Variants in ZNF385D observed in about 807,000 individuals in gnomAD.
ZNF385D encodes the protein zinc finger protein 659.
In ZNF385D, 15 loss-of-function variants were observed where a neutral mutation model predicts 35.8. That is an observed-to-expected ratio of 0.42 (90% CI 0.28 to 0.64). The LOEUF is 0.64. ZNF385D is among the 30% of genes least tolerant of loss of function. ZNF385D has a pLI of 0.23. For missense variants in ZNF385D, 474 were observed against 494.6 expected, an observed-to-expected ratio of 0.96 and a Z score of 0.39; for synonymous variants, 212 against 186.8, an observed-to-expected ratio of 1.13 and a Z score of -1.10.
intron 3 of ZNF385D, among the ~76,000 whole-genome samples, chr3:21,771,185 C>T (rs4858019): frequency 0.08 from 12,144 of 151,542 alleles, 664 homozygotes; most frequent in South Asian, 0.17. Context: ...CACATGTATA[C>T]ATATGTGACA....
At chr3:22,077,437 C>T (rs1290766791) in intron 3 of ZNF385D, among the ~76,000 whole-genome samples, 1 of 151,906 alleles carries the variant, frequency 6.6e-6, no homozygotes, top group African/African-American at 2.4e-5. Context: ...CTAAATACAT[C>T]ATCTATGCTG....
At chr3:22,327,945 G>A (rs750538496) in intron 2 of ZNF385D, among the ~76,000 whole-genome samples, 3 of 152,186 alleles carry the variant, frequency 2.0e-5, no homozygotes, top group Non-Finnish European at 4.4e-5. Flanking sequence ...CTATCATCTG[G>A]AAGAAACTGA....
At chr3:22,356,834 A>G (rs886451100) in intron 2 of ZNF385D, among the ~76,000 whole-genome samples, 19 of 151,868 alleles carry the variant, frequency 1.3e-4, no homozygotes, top group Non-Finnish European at 2.5e-4. Flanking sequence ...AAGTAGATTC[A>G]AGGTGAAATA....
chr3:22,016,637 T>C (rs1696904618), intron 3 of ZNF385D, among the ~76,000 whole-genome samples: 1 of 152,020 alleles, frequency 6.6e-6, no homozygotes. Context: ...AAAGTTTGTG[T>C]TTCAAAAATT....
chr3:21,977,192 AG>A (rs1703683909), intron 3 of ZNF385D, among the ~76,000 whole-genome samples: 1 of 152,128 alleles, frequency 6.6e-6, no homozygotes, highest in South Asian at 2.1e-4. Flanking sequence ...TGGGGCTGCT[AG>A]GGGTGTTGGT....
rs115773474 is a variant in ZNF385D at position 22,270,635 on chromosome 3, G to A, written c.107-101600C>T. 4.4e-3 allele frequency among the ~76,000 whole-genome samples: 661 copies of A among 151,604 alleles called. 7 individuals are homozygous for A. Among genetic ancestry groups the A allele is most frequent in the African/African-American group, 0.015 (628 of 41,148 alleles). On this transcript the variant is annotated intron_variant, in intron 2 of 5. Transcript: ENST00000494108. ...CTATGTTGTAAGAAAGCACATAGAG[G>A]CTATAAAGCTACATGATGTGAGATC...
chr3:22,173,377 G>T (rs1396688772), intron 2 of ZNF385D, among the ~76,000 whole-genome samples: 2 of 152,128 alleles, frequency 1.3e-5, no homozygotes, highest in African/African-American at 2.4e-5. Context: ...ATTTACAAAA[G>T]ATATCGACAA....
intron 3 of ZNF385D, among the ~76,000 whole-genome samples, chr3:21,529,288 C>A (rs949614287): frequency 1.3e-5 from 2 of 152,102 alleles, no homozygotes. Flanking sequence ...TGATATTCCT[C>A]TTTGACTTTG....
At chr3:21,844,728 T>C (rs1409287059) in intron 3 of ZNF385D, among the ~76,000 whole-genome samples, 2 of 151,964 alleles carry the variant, frequency 1.3e-5, no homozygotes, top group African/African-American at 4.8e-5. Context: ...TCAGCAAAAT[T>C]GCACTGTCAC....
chr3:21,652,254 C>A (rs1302392848), intron 2 of ZNF385D, among the ~76,000 whole-genome samples: 5 of 152,002 alleles, frequency 3.3e-5, no homozygotes, highest in Non-Finnish European at 7.4e-5. Context: ...ACCTTTCTAC[C>A]TGGATATTAT....
At chr3:22,165,247 G>A (rs1706237224) in intron 3 of ZNF385D, among the ~76,000 whole-genome samples, 2 of 152,194 alleles carry the variant, frequency 1.3e-5, no homozygotes, top group South Asian at 4.1e-4. Context: ...AAGGCTGTGT[G>A]TGAAGGAGGG....
chr3:21,921,782 G>T (rs536742240), intron 3 of ZNF385D, among the ~76,000 whole-genome samples: 5 of 149,788 alleles, frequency 3.3e-5, no homozygotes, highest in Non-Finnish European at 5.9e-5. Context: ...TCCCAAGATT[G>T]AATCAAGAAG....
At chr3:22,226,296 T>C (rs1244234129) in intron 2 of ZNF385D, among the ~76,000 whole-genome samples, 5 of 152,108 alleles carry the variant, frequency 3.3e-5, no homozygotes. Flanking sequence ...CGCACTTGGA[T>C]GCATGGGGCC....
intron 2 of ZNF385D, among the ~76,000 whole-genome samples, chr3:22,174,522 T>G (rs1191184096): frequency 1.3e-5 from 2 of 152,158 alleles, no homozygotes; most frequent in Non-Finnish European, 2.9e-5. Context: ...CAATGACTTC[T>G]CCCACTGTGT....
intron 2 of ZNF385D, among the ~76,000 whole-genome samples, chr3:21,571,756 G>A (rs1005202617): frequency 1.3e-5 from 2 of 152,114 alleles, no homozygotes; most frequent in African/African-American, 2.4e-5. Flanking sequence ...TGACTTATAT[G>A]GCTCAAAAAT....
chr3:21,898,900 T>C (rs78000175), intron 3 of ZNF385D, among the ~76,000 whole-genome samples: 3,518 of 152,118 alleles, frequency 0.023, 144 homozygotes, highest in African/African-American at 0.08. Context: ...GACAGGAAAA[T>C]CTTTCTGAGG....
chr3:22,226,475 G>A (rs1198436617), intron 2 of ZNF385D, among the ~76,000 whole-genome samples: 1 of 152,102 alleles, frequency 6.6e-6, no homozygotes, highest in Non-Finnish European at 1.5e-5. Flanking sequence ...GTCTTCCAAA[G>A]TTCAGCTGTT....
intron 3 of ZNF385D, among the ~76,000 whole-genome samples, chr3:21,513,289 C>G (rs1048418225): frequency 6.6e-5 from 10 of 152,028 alleles, no homozygotes; most frequent in African/African-American, 2.4e-4. Context: ...CACAACTAAA[C>G]CAATTCCCTC....
intron 3 of ZNF385D, among the ~76,000 whole-genome samples, chr3:22,069,776 G>A (rs1434018008): frequency 2.0e-5 from 3 of 152,060 alleles, no homozygotes; most frequent in East Asian, 1.9e-4. Context: ...TCCTCCACAT[G>A]GCCCTATTGC....
Sources: gnomAD v4.1 joint callset for allele counts (sites outside exome capture counted in the v4.1 genomes callset) on GRCh38, gnomAD v4.1.1 for gene constraint, MANE v1.5 for transcripts, NCBI Gene and HGNC (gene_info 2026-07-23, HGNC 2026-07-21) for gene names.